CNTNAP2: variants seen among roughly 807,000 people sequenced by gnomAD.
The protein encoded by CNTNAP2 is contactin-associated protein-like 2.
CNTNAP2 carries 98 observed loss-of-function variants against 155.2 expected under a neutral mutation model. That is an observed-to-expected ratio of 0.63 (90% CI 0.54 to 0.75). The LOEUF is 0.75. CNTNAP2 is among the 30% of genes least tolerant of loss of function. The probability of loss-of-function intolerance (pLI) is 0.00; values close to 1 mark genes in which losing one functional copy is unlikely to be tolerated. For missense variants in CNTNAP2, 1,727 were observed against 1,688.1 expected (o/e 1.02, Z -0.40); for synonymous variants, 651 against 631.2 (o/e 1.03, Z -0.47).
chr7:148,108,396 T>C (rs372338640), intron 15 of CNTNAP2, among the ~76,000 whole-genome samples: 1 of 147,296 alleles, frequency 6.8e-6, no homozygotes, highest in Non-Finnish European at 1.5e-5. Flanking sequence ...GATGAAGAGA[T>C]AGGGAGTACA....
intron 1 of CNTNAP2, among the ~76,000 whole-genome samples, chr7:146,752,845 A>T (rs1189980912): frequency 6.6e-6 from 1 of 152,188 alleles, no homozygotes. Flanking sequence ...ATGGCTAGCC[A>T]GTTATTCTAG....
intron 13 of CNTNAP2, among the ~76,000 whole-genome samples, chr7:147,726,766 T>G (rs1017623782): frequency 1.3e-5 from 2 of 152,042 alleles, no homozygotes; most frequent in Admixed American, 6.6e-5. Context: ...ACATTAGGAT[T>G]AGAGACAAGT....
intron 15 of CNTNAP2, among the ~76,000 whole-genome samples, chr7:148,004,186 C>T (rs765812257): frequency 6.6e-6 from 1 of 152,118 alleles, no homozygotes; most frequent in Non-Finnish European, 1.5e-5. Context: ...TTAATATAGG[C>T]ATGTTTTAAA....
In CNTNAP2 at chr7:147,999,356, A is replaced by C. The variant is rs571839435; in HGVS notation, c.2383+21367A>C. On this transcript the variant is annotated intron_variant, in intron 15 of 23. Coordinates refer to ENST00000361727, the MANE Select transcript of CNTNAP2 (RefSeq NM_014141.6). ...CTCCCAAAGTGCTAGGATTACAGGCATGAGCCACCATGCCCGGCCAGTAGA... is the reference window on the plus strand; with the variant it reads ...CTCCCAAAGTGCTAGGATTACAGGCCTGAGCCACCATGCCCGGCCAGTAGA... Among the ~76,000 whole-genome samples the C allele has an allele frequency of 3.3e-4, 50 of 152,340 alleles. 1 individual carries two copies. The South Asian group carries it at 8.5e-3, about 26-fold the overall frequency.
intron 8 of CNTNAP2, among the ~76,000 whole-genome samples, chr7:147,240,151 A>G (rs554313013): frequency 2.0e-5 from 3 of 152,240 alleles, no homozygotes; most frequent in African/African-American, 7.2e-5. Flanking sequence ...TGCCGTCTCT[A>G]CAAAAAAAAC....
At chr7:147,337,582 C>G (rs1584882860) in intron 9 of CNTNAP2, among the ~76,000 whole-genome samples, 1 of 152,182 alleles carries the variant, frequency 6.6e-6, no homozygotes, top group Middle Eastern at 3.4e-3. Flanking sequence ...TCTTAAAACC[C>G]CTTTTAGAAA....
intron 9 of CNTNAP2, among the ~76,000 whole-genome samples, chr7:147,347,633 A>G (rs574279691): frequency 1.0e-3 from 154 of 151,904 alleles, no homozygotes; most frequent in African/African-American, 3.5e-3. Flanking sequence ...ATTCAATGCA[A>G]TCTCTATCAA....
intron 3 of CNTNAP2, among the ~76,000 whole-genome samples, chr7:147,007,567 C>A (rs1798547517): frequency 6.6e-6 from 1 of 151,974 alleles, no homozygotes; most frequent in South Asian, 2.1e-4. Context: ...AATTAAATAT[C>A]TGAGCATATT....
At chr7:147,035,565 C>A (rs1020504269) in intron 3 of CNTNAP2, among the ~76,000 whole-genome samples, 1 of 152,212 alleles carries the variant, frequency 6.6e-6, no homozygotes, top group African/African-American at 2.4e-5. Context: ...CAAGTAAGAT[C>A]TCTCACTTTA....
At chr7:148,184,633 C>T (rs928607550) in intron 18 of CNTNAP2, among the ~76,000 whole-genome samples, 1 of 152,120 alleles carries the variant, frequency 6.6e-6, no homozygotes, top group African/African-American at 2.4e-5. Context: ...GGATTTATGA[C>T]CAGAAACACA....
intron 15 of CNTNAP2, among the ~76,000 whole-genome samples, chr7:148,091,395 A>C (rs139325782): frequency 9.2e-5 from 14 of 152,268 alleles, no homozygotes; most frequent in African/African-American, 2.6e-4. Context: ...ATAGTTTTTA[A>C]TTTTTAAAAA....
chr7:147,286,792 C>T lies in CNTNAP2; in HGVS notation c.1349-13349C>T, dbSNP rs189680954. Among the ~76,000 whole-genome samples the T allele has an allele frequency of 2.0e-5, 3 of 152,140 alleles. No individual in the cohort carries two copies. In the East Asian group the frequency reaches 5.8e-4, roughly 29 times the overall value. ...ATATCTTCCCTTTCCATTCACCTACCATATTCTCCCCTTTCCACTCCAATC... is the reference window on the plus strand; with the variant it reads ...ATATCTTCCCTTTCCATTCACCTACTATATTCTCCCCTTTCCACTCCAATC... On this transcript the variant is annotated intron_variant, in intron 8 of 23. Coordinates refer to ENST00000361727, the MANE Select transcript of CNTNAP2 (RefSeq NM_014141.6).
intron 1 of CNTNAP2, among the ~76,000 whole-genome samples, chr7:146,130,168 T>C (rs1797693793): frequency 6.6e-6 from 1 of 152,152 alleles, no homozygotes; most frequent in African/African-American, 2.4e-5. Context: ...TGGTTAGAAA[T>C]ATAGGCAGTC....
intron 13 of CNTNAP2, among the ~76,000 whole-genome samples, chr7:147,686,123 T>C (rs1796014733): frequency 6.6e-6 from 1 of 151,972 alleles, no homozygotes; most frequent in Non-Finnish European, 1.5e-5. Flanking sequence ...ACTTAGGAGA[T>C]TATTGAGTAT....
chr7:147,335,069 T>C (rs776081458), intron 9 of CNTNAP2, among the ~76,000 whole-genome samples: 19 of 152,144 alleles, frequency 1.2e-4, no homozygotes, highest in South Asian at 4.1e-4. Context: ...GTGGCAGGAA[T>C]TCATATTACC....
intron 1 of CNTNAP2, among the ~76,000 whole-genome samples, chr7:146,639,181 A>T (rs961576216): frequency 3.9e-5 from 6 of 152,196 alleles, no homozygotes; most frequent in African/African-American, 1.4e-4. Flanking sequence ...AATATTATAT[A>T]TTTGAGACTA....
chr7:147,541,966 C>T (rs1799648229), intron 11 of CNTNAP2, among the ~76,000 whole-genome samples: 1 of 152,162 alleles, frequency 6.6e-6, no homozygotes. Flanking sequence ...GAGCCAGTGG[C>T]ACATCATCTC....
rs145670385 is a variant in CNTNAP2, at chr7:146,728,147, T to G, written c.98-46124T>G. Among the ~76,000 whole-genome samples the G allele has an allele frequency of 5.3e-5, 8 of 152,218 alleles. No homozygotes were observed. In the East Asian group the frequency reaches 1.5e-3, roughly 29 times the overall value. ...CTTTCTGGGGAGACAATACCTAGACTGAGTTGTACAAGATGAATACGATTT... is the reference window on the plus strand; with the variant it reads ...CTTTCTGGGGAGACAATACCTAGACGGAGTTGTACAAGATGAATACGATTT... On this transcript the variant is annotated intron_variant, in intron 1 of 23. Coordinates refer to ENST00000361727, the MANE Select transcript of CNTNAP2 (RefSeq NM_014141.6).
chr7:148,040,494 G>A (rs2710144), intron 15 of CNTNAP2, among the ~76,000 whole-genome samples: 54,390 of 151,932 alleles, frequency 0.36, 10,457 homozygotes, highest in East Asian at 0.76. Flanking sequence ...TTCTAATGTC[G>A]GTCACAATCA....
Sources: gnomAD v4.1 joint callset for allele counts (sites outside exome capture counted in the v4.1 genomes callset) on GRCh38, gnomAD v4.1.1 for gene constraint, MANE v1.5 for transcripts, NCBI Gene and HGNC (gene_info 2026-07-23, HGNC 2026-07-21) for gene names.